CRPPA: variants seen among roughly 807,000 people sequenced by gnomAD.
CRPPA encodes CDP-L-ribitol pyrophosphorylase A, also known as D-ribitol-5-phosphate cytidylyltransferase.
Under a neutral mutation model 52.0 loss-of-function variants are expected in CRPPA, and 43 were observed. That is an observed-to-expected ratio of 0.83 (90% CI 0.65 to 1.07). The LOEUF is 1.07. Ranked by LOEUF, CRPPA falls within the 50% of genes least tolerant of loss-of-function variation. The pLI is 0.00. For missense variants in CRPPA, 629 were observed against 551.7 expected (o/e 1.14, Z -1.40); for synonymous variants, 250 against 203.5 (o/e 1.23, Z -1.94).
chr7:16,226,430 T>C (rs986965421), intron 8 of CRPPA, among the ~76,000 whole-genome samples: 4 of 151,892 alleles, frequency 2.6e-5, no homozygotes, highest in Non-Finnish European at 5.9e-5. Context: ...TAACATTTTA[T>C]TTTGAACAGA....
intron 3 of CRPPA, among the ~76,000 whole-genome samples, chr7:16,315,946 GAA>G (rs145501248): frequency 0.027 from 4,058 of 152,074 alleles, 203 homozygotes; most frequent in African/African-American, 0.093. Flanking sequence ...TGAAAGATAT[GAA>G]AAGTTTATTT....
rs563751052 is a variant in CRPPA at position 16,361,118 on chromosome 7, C to A, written c.684+14974G>T. 9.2e-5 allele frequency among the ~76,000 whole-genome samples: 14 copies of A among 152,254 alleles called. No homozygotes were observed. In the South Asian group the frequency reaches 2.9e-3, roughly 32 times the overall value. The stretch of plus-strand genomic sequence containing the variant: ...AATTAGTAGATAAAAAGATGTTCAA[C>A]ATCACTAATCATTAGAGAAATGCAA... On this transcript the variant is annotated intron_variant, in intron 3 of 9. Transcript: ENST00000407010.
intron 3 of CRPPA, among the ~76,000 whole-genome samples, chr7:16,351,541 A>G (rs1266739851): frequency 6.6e-6 from 1 of 152,228 alleles, no homozygotes; most frequent in Non-Finnish European, 1.5e-5. Context: ...CAGAATATAC[A>G]AGGAACTTAA....
intron 3 of CRPPA, among the ~76,000 whole-genome samples, chr7:16,345,805 A>G (rs919948299): frequency 2.6e-5 from 4 of 152,082 alleles, no homozygotes; most frequent in Admixed American, 1.3e-4. Context: ...ATGGAAATTG[A>G]CTCTATAAAA....
chr7:16,272,084 C>G lies in CRPPA; in HGVS notation c.933+6045G>C, dbSNP rs543632706. On this transcript the variant is annotated intron_variant, in intron 6 of 9. Coordinates refer to ENST00000407010, the MANE Select transcript of CRPPA (RefSeq NM_001101426.4). ...CTTTAAAACTGTCTACCACCCTGATCTATCTCTGGAGAGCTCTATCTTCAA... is the reference window on the plus strand; with the variant it reads ...CTTTAAAACTGTCTACCACCCTGATGTATCTCTGGAGAGCTCTATCTTCAA... Among the ~76,000 whole-genome samples, 3 of 152,282 alleles carry G rather than the reference C, an allele frequency of 2.0e-5. No homozygotes were observed. In the East Asian group the frequency reaches 5.8e-4, roughly 29 times the overall value.
At chr7:16,317,536 GT>G (rs1785168871) in intron 3 of CRPPA, among the ~76,000 whole-genome samples, 1 of 152,040 alleles carries the variant, frequency 6.6e-6, no homozygotes, top group African/African-American at 2.4e-5. Flanking sequence ...TATATCTAAT[GT>G]CCATTTAGAA....
intron 2 of CRPPA, among the ~76,000 whole-genome samples, chr7:16,397,662 T>C (rs1338661537): frequency 2.0e-5 from 3 of 151,942 alleles, no homozygotes; most frequent in South Asian, 2.1e-4. Flanking sequence ...GACATGTGAC[T>C]AAGACGTCAC....
chr7:16,168,747 A>G lies in CRPPA; in HGVS notation c.1251+47319T>C, dbSNP rs181132401. Among the ~76,000 whole-genome samples, 195 of 152,302 alleles carry G rather than the reference A, an allele frequency of 1.3e-3. 1 individual carries two copies. Among genetic ancestry groups the G allele is most frequent in the African/African-American group, 4.5e-3 (187 of 41,588 alleles). On this transcript the variant is annotated intron_variant, in intron 9 of 9. Coordinates refer to ENST00000407010, the MANE Select transcript of CRPPA (RefSeq NM_001101426.4). ...CTGTACAAATAAATTGTCTTGTTCA[A>G]TGTTAGCCAGACTGACGGTTACGTT...
intron 9 of CRPPA, among the ~76,000 whole-genome samples, chr7:16,148,601 A>G (rs1424917559): frequency 6.6e-6 from 1 of 152,068 alleles, no homozygotes; most frequent in Non-Finnish European, 1.5e-5. Context: ...TCATATAACA[A>G]GTAGAGAGTG....
chr7:16,305,549 C>A (rs1187960313), intron 4 of CRPPA, among the ~76,000 whole-genome samples: 1 of 152,118 alleles, frequency 6.6e-6, no homozygotes, highest in African/African-American at 2.4e-5. Context: ...TGAATTACTA[C>A]AAACTGGCAG....
chr7:16,192,527 T>C (rs572698479), intron 9 of CRPPA, among the ~76,000 whole-genome samples: 5 of 152,268 alleles, frequency 3.3e-5, no homozygotes, highest in African/African-American at 9.6e-5. Flanking sequence ...CTGATTAAAA[T>C]GTAGAACATT....
intron 3 of CRPPA, among the ~76,000 whole-genome samples, chr7:16,369,405 T>G (rs1786690537): frequency 6.6e-6 from 1 of 152,234 alleles, no homozygotes; most frequent in Non-Finnish European, 1.5e-5. Context: ...GAGTTGATTT[T>G]TAACTACTGG....
rs1415188962 is a variant in CRPPA, at chr7:16,088,225, T to G, written c.*3470A>C. 2.6e-5 allele frequency: 4 copies of G among 152,052 alleles called. No homozygotes were observed. Among genetic ancestry groups the G allele is most frequent in the Non-Finnish European group, 5.9e-5 (4 of 68,012 alleles). 9.4% of individuals were successfully genotyped at this position (152,052 alleles called of 1,614,324 possible). On this transcript the variant is annotated 3_prime_UTR_variant, in exon 10 of 10. Transcript: ENST00000407010. The stretch of plus-strand genomic sequence containing the variant: ...TTTGCATTTAACTAACTAGCGTAAG[T>G]TTAGAAAGAAAACCATTTTGCAACA...
intron 8 of CRPPA, among the ~76,000 whole-genome samples, chr7:16,224,367 A>G (rs1782596342): frequency 6.6e-6 from 1 of 152,188 alleles, no homozygotes; most frequent in Non-Finnish European, 1.5e-5. Context: ...AAAACCCCAC[A>G]TTTAACACTT....
At chr7:16,131,258 G>T (rs1238671596) in intron 9 of CRPPA, among the ~76,000 whole-genome samples, 1 of 152,142 alleles carries the variant, frequency 6.6e-6, no homozygotes, top group East Asian at 1.9e-4. Flanking sequence ...ACATTGCCAT[G>T]AACAGACCAT....
At chr7:16,312,673 C>A (rs1785059311) in intron 3 of CRPPA, among the ~76,000 whole-genome samples, 1 of 151,924 alleles carries the variant, frequency 6.6e-6, no homozygotes, top group African/African-American at 2.4e-5. Context: ...CTTGACCTTA[C>A]CAGGAAAGCT....
At chr7:16,092,345 G>C (rs1781854311) in intron 9 of CRPPA, among the ~76,000 whole-genome samples, 1 of 152,162 alleles carries the variant, frequency 6.6e-6, no homozygotes, top group Middle Eastern at 3.2e-3. Context: ...TTATTTATGA[G>C]AAGATTATAA....
At chr7:16,405,947 CAT>C in intron 2 of CRPPA, 112 bp downstream of exon 2, 1 of 931,740 alleles carries the variant, frequency 1.1e-6, no homozygotes, top group Non-Finnish European at 1.6e-6. Context: ...ATCTTTAGGT[CAT>C]CATGCACATT....
At chr7:16,248,314 G>A (rs1004507152) in intron 8 of CRPPA, among the ~76,000 whole-genome samples, 8 of 152,104 alleles carry the variant, frequency 5.3e-5, no homozygotes, top group Admixed American at 2.0e-4. Context: ...AATCCAGCCT[G>A]GGCAAAAGAG....
Sources: allele counts gnomAD v4.1 joint callset (sites outside exome capture counted in the v4.1 genomes callset), GRCh38; gene constraint gnomAD v4.1.1; transcripts MANE v1.5; gene names NCBI Gene and HGNC (gene_info 2026-07-23, HGNC 2026-07-21).